Variants in PLPPR1 observed in about 807,000 individuals in gnomAD.
PLPPR1 encodes phospholipid phosphatase related 1.
In PLPPR1, 10 loss-of-function variants were observed where a neutral mutation model predicts 33.1. The ratio of observed to expected loss-of-function variants is 0.30; its 90% CI spans 0.19 to 0.51. The LOEUF (loss-of-function observed/expected upper bound fraction) is 0.51. Ranked by LOEUF, PLPPR1 falls within the 20% of genes least tolerant of loss-of-function variation. PLPPR1 has a pLI of 0.97. For missense variants in PLPPR1, 304 were observed against 408.1 expected, an observed-to-expected ratio of 0.74 and a Z score of 2.20; for synonymous variants, 151 against 151.0, an observed-to-expected ratio of 1.00 and a Z score of 0.00.
intron 2 of PLPPR1, among the ~76,000 whole-genome samples, chr9:101,219,247 G>T (rs1457992235): frequency 6.6e-6 from 1 of 152,196 alleles, no homozygotes; most frequent in South Asian, 2.1e-4. Context: ...GTGGAGGTTC[G>T]CAGTTGGGTT....
intron 7 of PLPPR1, 57 bp downstream of exon 7, chr9:101,317,553 A>G: frequency 6.5e-7 from 1 of 1,530,076 alleles, no homozygotes; most frequent in Non-Finnish European, 8.9e-7. Context: ...TTGGGAGGTC[A>G]GTATCAATCC....
chr9:101,221,051 C>A (rs145561365), intron 2 of PLPPR1, among the ~76,000 whole-genome samples: 339 of 152,122 alleles, frequency 2.2e-3, no homozygotes, highest in African/African-American at 7.8e-3. Context: ...TAACACTACC[C>A]CTCTCCCTGT....
At chr9:101,194,133 A>G (rs1019233310) in intron 2 of PLPPR1, among the ~76,000 whole-genome samples, 3 of 152,228 alleles carry the variant, frequency 2.0e-5, no homozygotes, top group Admixed American at 2.0e-4. Context: ...TTTGACGTCT[A>G]TAACTGTTAA....
intron 1 of PLPPR1, among the ~76,000 whole-genome samples, chr9:101,142,731 A>G (rs1049694222): frequency 2.6e-5 from 4 of 151,754 alleles, no homozygotes; most frequent in Non-Finnish European, 4.4e-5. Context: ...TAATTCCTTC[A>G]TTTGGCTGCT....
chr9:101,100,313 A>G (rs1381778187), intron 1 of PLPPR1, among the ~76,000 whole-genome samples: 2 of 152,146 alleles, frequency 1.3e-5, no homozygotes, highest in African/African-American at 4.8e-5. Context: ...AAATTATTTC[A>G]TCTCCATTTG....
At chr9:101,034,915 C>T (rs981905717) in intron 1 of PLPPR1, among the ~76,000 whole-genome samples, 5 of 152,172 alleles carry the variant, frequency 3.3e-5, no homozygotes, top group East Asian at 1.9e-4. Flanking sequence ...CAGACCAGCT[C>T]GGCTGTCATA....
chr9:101,275,779 G>A (rs1365748906), intron 3 of PLPPR1, among the ~76,000 whole-genome samples: 1 of 152,146 alleles, frequency 6.6e-6, no homozygotes, highest in African/African-American at 2.4e-5. Flanking sequence ...GAAGTGACAG[G>A]GGAGTATTTA....
At chr9:101,270,165 C>A in intron 3 of PLPPR1, 97 bp downstream of exon 3, 1 of 1,330,058 alleles carries the variant, frequency 7.5e-7, no homozygotes. Flanking sequence ...GAGCATTCAC[C>A]AGCAGTTTTA....
At chr9:101,137,028 G>T (rs938002771) in intron 1 of PLPPR1, among the ~76,000 whole-genome samples, 6 of 152,090 alleles carry the variant, frequency 3.9e-5, no homozygotes, top group African/African-American at 9.7e-5. Flanking sequence ...AATGCTTGAG[G>T]TGATGGATAC....
intron 1 of PLPPR1, among the ~76,000 whole-genome samples, chr9:101,120,805 A>G (rs56263749): frequency 0.063 from 9,637 of 152,196 alleles, 999 homozygotes; most frequent in African/African-American, 0.22. Flanking sequence ...GGGCCTTCCT[A>G]TTATATCCAG....
intron 2 of PLPPR1, among the ~76,000 whole-genome samples, chr9:101,201,883 C>T (rs1386136514): frequency 6.6e-6 from 1 of 152,202 alleles, no homozygotes; most frequent in East Asian, 1.9e-4. Context: ...GGCATGATTC[C>T]TAGCTCAAGT....
At chr9:101,186,555 A>G (rs1453790214) in intron 2 of PLPPR1, among the ~76,000 whole-genome samples, 1 of 151,888 alleles carries the variant, frequency 6.6e-6, no homozygotes, top group East Asian at 1.9e-4. Flanking sequence ...TACTACTCAT[A>G]TTAGCAAAAA....
rs183597936 is a variant in PLPPR1, at chr9:101,125,798, G to T, written c.-45-59652G>T. 5.8e-5 allele frequency: 47 copies of T among 813,108 alleles called. No individual in the cohort carries two copies. The East Asian group carries it at 1.1e-3, about 19-fold the overall frequency. The allele number at this position is 813,108 out of a possible 1,614,324, so 50.4% of individuals were successfully genotyped here. On this transcript the variant is annotated intron_variant, in intron 1 of 7. Coordinates refer to ENST00000374874, the MANE Select transcript of PLPPR1 (RefSeq NM_207299.2). ...AAGTCCAAATATAGCCCAGAACATT[G>T]TCTTAAAACTCTGTTGTGAAGGCTT...
intron 1 of PLPPR1, among the ~76,000 whole-genome samples, chr9:101,146,648 C>A (rs1831524825): frequency 6.6e-6 from 1 of 152,190 alleles, no homozygotes; most frequent in East Asian, 1.9e-4. Flanking sequence ...GAATGAGTTC[C>A]CTTACTCCCC....
chr9:101,063,476 G>A lies in PLPPR1; in HGVS notation c.-46+34374G>A, dbSNP rs993280010. Among the ~76,000 whole-genome samples the A allele has an allele frequency of 2.6e-5, 4 of 152,208 alleles. No homozygotes were observed. The East Asian group carries it at 7.8e-4, about 30-fold the overall frequency. ...TTCAGTCACATAACTATGCTTACATGCAAGGGAGAAGGAGGAGAAAATAAA... is the reference window on the plus strand; with the variant it reads ...TTCAGTCACATAACTATGCTTACATACAAGGGAGAAGGAGGAGAAAATAAA... On this transcript the variant is annotated intron_variant, in intron 1 of 7. Transcript: ENST00000374874.
chr9:101,246,131 T>G (rs1554683653), intron 2 of PLPPR1, among the ~76,000 whole-genome samples: 1 of 139,130 alleles, frequency 7.2e-6, no homozygotes, highest in Non-Finnish European at 1.6e-5. Context: ...TAGATTTGTA[T>G]AAGCACTGAA....
At chr9:101,263,007 G>A (rs1203465585) in intron 2 of PLPPR1, among the ~76,000 whole-genome samples, 3 of 152,142 alleles carry the variant, frequency 2.0e-5, no homozygotes, top group Non-Finnish European at 4.4e-5. Context: ...CCTGTCAGTG[G>A]GTAGGGGCCT....
chr9:101,083,722 CT>C (rs1460007512), intron 1 of PLPPR1, among the ~76,000 whole-genome samples: 1 of 151,816 alleles, frequency 6.6e-6, no homozygotes, highest in Admixed American at 6.6e-5. Context: ...AAGAAGAAGG[CT>C]TGATTGAGGA....
intron 1 of PLPPR1, among the ~76,000 whole-genome samples, chr9:101,156,511 A>G (rs886395015): frequency 6.3e-5 from 9 of 143,152 alleles, no homozygotes; most frequent in African/African-American, 2.4e-4. Flanking sequence ...AGTTTGCACC[A>G]TTGCACTCCA....
Sources: gnomAD v4.1 joint callset for allele counts (sites outside exome capture counted in the v4.1 genomes callset) on GRCh38, gnomAD v4.1.1 for gene constraint, MANE v1.5 for transcripts, NCBI Gene and HGNC (gene_info 2026-07-23, HGNC 2026-07-21) for gene names.